EPHA6: variants seen among roughly 807,000 people sequenced by gnomAD.
EPHA6 encodes EPH receptor A6, also known as ephrin type-A receptor 6.
Under a neutral mutation model 112.0 loss-of-function variants are expected in EPHA6, and 50 were observed. The ratio of observed to expected loss-of-function variants is 0.45; its 90% CI spans 0.36 to 0.56. EPHA6 has a LOEUF of 0.56. Among genes scored for constraint, EPHA6 ranks in the 20% least tolerant of loss-of-function variants. The pLI, the probability that EPHA6 is intolerant of heterozygous loss-of-function variation, is 0.00. For missense variants in EPHA6, 1,280 were observed against 1,417.4 expected, an observed-to-expected ratio of 0.90 and a Z score of 1.56; for synonymous variants, 529 against 490.7, an observed-to-expected ratio of 1.08 and a Z score of -1.03.
At chr3:97,523,923 T>C (rs1241519201) in intron 10 of EPHA6, among the ~76,000 whole-genome samples, 1 of 152,044 alleles carries the variant, frequency 6.6e-6, no homozygotes, top group Non-Finnish European at 1.5e-5. Context: ...ATCACTCCCA[T>C]GCTCTATTGG....
intron 11 of EPHA6, among the ~76,000 whole-genome samples, chr3:97,566,665 A>T (rs2093271553): frequency 6.6e-6 from 1 of 152,140 alleles, no homozygotes; most frequent in Non-Finnish European, 1.5e-5. Flanking sequence ...GGCTCTTGTC[A>T]CTCAAAATCC....
At chr3:97,606,850 A>C (rs1252162950) in intron 12 of EPHA6, among the ~76,000 whole-genome samples, 3 of 151,144 alleles carry the variant, frequency 2.0e-5, no homozygotes, top group Non-Finnish European at 4.5e-5. Flanking sequence ...GAAATAGATT[A>C]AATAACTGGT....
intron 11 of EPHA6, chr3:97,559,649 G>A (rs2093161381): frequency 2.2e-6 from 1 of 455,158 alleles, no homozygotes; most frequent in Non-Finnish European, 4.4e-6. Flanking sequence ...GCTTTCTAAA[G>A]AAGTAAATCA....
intron 3 of EPHA6, among the ~76,000 whole-genome samples, chr3:97,079,740 A>G (rs915162705): frequency 1.3e-5 from 2 of 152,014 alleles, no homozygotes; most frequent in Non-Finnish European, 2.9e-5. Flanking sequence ...GGAAGAGTCC[A>G]TTGATGCAGC....
chr3:97,640,284 C>CA (rs1407855372), intron 14 of EPHA6, among the ~76,000 whole-genome samples: 15 of 152,106 alleles, frequency 9.9e-5, no homozygotes, highest in East Asian at 3.9e-4. Flanking sequence ...CATGGAAATG[C>CA]AAAAAAGTGA....
At chr3:97,190,081 C>T (rs546125411) in intron 3 of EPHA6, among the ~76,000 whole-genome samples, 1 of 152,152 alleles carries the variant, frequency 6.6e-6, no homozygotes, top group African/African-American at 2.4e-5. Context: ...ATACAGTAGG[C>T]AGGGTCAGTA....
chr3:96,923,178 A>G (rs2039862166), intron 2 of EPHA6, among the ~76,000 whole-genome samples: 1 of 152,232 alleles, frequency 6.6e-6, no homozygotes, highest in Admixed American at 6.5e-5. Context: ...GCTGGATCAA[A>G]TGGTATTTCT....
chr3:97,286,962 A>C (rs2108677187), intron 5 of EPHA6, among the ~76,000 whole-genome samples: 1 of 150,516 alleles, frequency 6.6e-6, no homozygotes, highest in Non-Finnish European at 1.5e-5. Flanking sequence ...CACATTCTTG[A>C]TTAAATTTAT....
chr3:97,528,800 T>C (rs1577675367), intron 10 of EPHA6, among the ~76,000 whole-genome samples: 2 of 152,144 alleles, frequency 1.3e-5, no homozygotes, highest in Admixed American at 1.3e-4. Context: ...CTGTATAACA[T>C]ACAACAAAAT....
intron 14 of EPHA6, among the ~76,000 whole-genome samples, chr3:97,718,461 T>G (rs945832702): frequency 2.0e-5 from 3 of 152,230 alleles, no homozygotes; most frequent in African/African-American, 7.2e-5. Context: ...TGATTTGGTT[T>G]TTTTTAAGTA....
At chr3:96,965,354 G>T (rs1360740744) in intron 2 of EPHA6, among the ~76,000 whole-genome samples, 1 of 151,866 alleles carries the variant, frequency 6.6e-6, no homozygotes, top group Non-Finnish European at 1.5e-5. Flanking sequence ...AAAAAAATTG[G>T]TTTTTCATTT....
intron 13 of EPHA6, among the ~76,000 whole-genome samples, chr3:97,619,350 G>A (rs1287670047): frequency 6.9e-6 from 1 of 144,286 alleles, no homozygotes; most frequent in Non-Finnish European, 1.5e-5. Flanking sequence ...TTGAAAAAGG[G>A]CACAAGACAA....
At chr3:96,861,122 T>C (rs1396065020) in intron 1 of EPHA6, among the ~76,000 whole-genome samples, 1 of 152,020 alleles carries the variant, frequency 6.6e-6, no homozygotes, top group Non-Finnish European at 1.5e-5. Flanking sequence ...ATTATAAGGC[T>C]GAAGCAAATA....
chr3:97,599,859 G>A (rs1326738875), intron 12 of EPHA6, among the ~76,000 whole-genome samples: 1 of 152,200 alleles, frequency 6.6e-6, no homozygotes, highest in Non-Finnish European at 1.5e-5. Flanking sequence ...ACCTTGAGCA[G>A]TATGGCCATG....
At chr3:96,902,173 T>G (rs2038649477) in intron 2 of EPHA6, among the ~76,000 whole-genome samples, 1 of 152,186 alleles carries the variant, frequency 6.6e-6, no homozygotes, top group Admixed American at 6.6e-5. Context: ...CTTATGAAAT[T>G]GCTGCATTGT....
intron 2 of EPHA6, among the ~76,000 whole-genome samples, chr3:96,963,687 CA>C (rs2042024472): frequency 6.6e-6 from 1 of 152,034 alleles, no homozygotes; most frequent in African/African-American, 2.4e-5. Context: ...GCTAATTAAA[CA>C]AAAGTGAACA....
intron 14 of EPHA6, among the ~76,000 whole-genome samples, chr3:97,706,335 A>T (rs559875976): frequency 1.2e-4 from 18 of 152,316 alleles, no homozygotes; most frequent in African/African-American, 3.8e-4. Context: ...GACAATAACA[A>T]ACAAAAAAGA....
intron 5 of EPHA6, among the ~76,000 whole-genome samples, chr3:97,365,688 A>T (rs995694634): frequency 3.9e-5 from 6 of 152,190 alleles, no homozygotes; most frequent in African/African-American, 1.4e-4. Context: ...GTGCCCAGCC[A>T]GGACATTTTT....
At chr3:96,991,226 T>TA (rs1168649567) in intron 3 of EPHA6, among the ~76,000 whole-genome samples, 2 of 152,182 alleles carry the variant, frequency 1.3e-5, no homozygotes, top group African/African-American at 4.8e-5. Context: ...TAAACATAAA[T>TA]AAGGCATATG....
Sources: allele counts gnomAD v4.1 joint callset (sites outside exome capture counted in the v4.1 genomes callset), GRCh38; gene constraint gnomAD v4.1.1; transcripts MANE v1.5; gene names NCBI Gene and HGNC (gene_info 2026-07-23, HGNC 2026-07-21).